The following SPAG9 variants were observed in gnomAD, a reference collection of about 807,000 sequenced individuals.
SPAG9 encodes the protein sperm associated antigen 9.
SPAG9 carries 35 observed loss-of-function variants against 166.5 expected under a neutral mutation model. The observed-to-expected ratio is 0.21, with a 90% CI of 0.16 to 0.28. The LOEUF (loss-of-function observed/expected upper bound fraction) is 0.28, where lower values mean the gene tolerates loss of function less well. Ranked by LOEUF, SPAG9 falls within the 10% of genes least tolerant of loss-of-function variation. The pLI is 1.00. For missense variants in SPAG9, 1,235 were observed against 1,603.3 expected, an observed-to-expected ratio of 0.77 and a Z score of 3.92; for synonymous variants, 534 against 565.5, an observed-to-expected ratio of 0.94 and a Z score of 0.79.
At chr17:51,097,104 C>A (rs1430057816) in intron 1 of SPAG9, among the ~76,000 whole-genome samples, 1 of 152,210 alleles carries the variant, frequency 6.6e-6, no homozygotes, top group Non-Finnish European at 1.5e-5. Flanking sequence ...GTGACGCCTC[C>A]ATAAAAACTC....
chr17:51,054,939 T>C (rs1283813419), intron 3 of SPAG9, among the ~76,000 whole-genome samples: 1 of 152,094 alleles, frequency 6.6e-6, no homozygotes, highest in Non-Finnish European at 1.5e-5. Flanking sequence ...CAGGGAAAAA[T>C]TCTACACCCT....
Position 50,964,711 on chromosome 17 carries a change from T to TAA in SPAG9, c.*1559_*1560dup, listed in dbSNP as rs1466069642. 6.7e-6 allele frequency: 3 copies of TAA among 450,458 alleles called. No homozygotes were observed. Among genetic ancestry groups the TAA allele is most frequent in the African/African-American group, 6.0e-5 (3 of 49,614 alleles). The allele number at this position is 450,458 out of a possible 1,614,324, so 27.9% of individuals were successfully genotyped here. A position where few individuals can be genotyped will look rare whatever the true frequency, so the allele number is the denominator to read the frequency against. On this transcript the variant is annotated 3_prime_UTR_variant, in exon 30 of 30. Coordinates refer to ENST00000262013, the MANE Select transcript of SPAG9 (RefSeq NM_001130528.3). ...AGCATCGTGGTTTTAAAAAACTTAT[T>TAA]AAGCAAGAAAATCAGTGAAATCCAG... is the stretch of plus-strand genomic sequence containing the variant.
At chr17:50,977,344 G>C in intron 26 of SPAG9, 123 bp from the exon 27 acceptor site, 1 of 664,480 alleles carries the variant, frequency 1.5e-6, no homozygotes, top group Non-Finnish European at 2.7e-6. Context: ...GTAGTAGCAG[G>C]ATTGATACAA....
chr17:50,979,380 G>GAAAAAAAAAA (rs76167072), intron 26 of SPAG9, among the ~76,000 whole-genome samples: 1 of 76,084 alleles, frequency 1.3e-5, no homozygotes. Flanking sequence ...TTGAAAAAAA[G>GAAAAAAAAAA]AAAAAAAAAA....
chr17:51,095,976 TATATA>T (rs1308661860), intron 1 of SPAG9, among the ~76,000 whole-genome samples: 1 of 58,394 alleles, frequency 1.7e-5, no homozygotes, highest in Non-Finnish European at 2.8e-5. Flanking sequence ...TATATAGTGA[TATATA>T]TATATATAGT....
chr17:51,073,290 T>G (rs2144603971), intron 2 of SPAG9, among the ~76,000 whole-genome samples: 1 of 151,932 alleles, frequency 6.6e-6, no homozygotes, highest in East Asian at 1.9e-4. Flanking sequence ...ATCACGCCAC[T>G]GCACTCCAGC....
chr17:51,081,534 A>C (rs1021377180), intron 1 of SPAG9, among the ~76,000 whole-genome samples: 5 of 152,070 alleles, frequency 3.3e-5, no homozygotes, highest in African/African-American at 4.8e-5. Context: ...ACCTGAGGTC[A>C]GGAGTTCGAG....
chr17:50,991,437 AAAAT>A (rs1975539464), intron 19 of SPAG9, among the ~76,000 whole-genome samples: 1 of 151,942 alleles, frequency 6.6e-6, no homozygotes, highest in Non-Finnish European at 1.5e-5. Flanking sequence ...TTACAATATA[AAAAT>A]AAATCTCATT....
chr17:51,093,287 C>T (rs2048519590), intron 1 of SPAG9, among the ~76,000 whole-genome samples: 1 of 151,518 alleles, frequency 6.6e-6, no homozygotes, highest in Non-Finnish European at 1.5e-5. Flanking sequence ...GTTTGTCCTG[C>T]CATTAAAAAG....
chr17:51,008,247 G>C (rs2045308548), intron 9 of SPAG9, among the ~76,000 whole-genome samples: 1 of 152,086 alleles, frequency 6.6e-6, no homozygotes, highest in African/African-American at 2.4e-5. Flanking sequence ...TAAGCACGTA[G>C]AGCATCCAAT....
chr17:51,005,911 G>C (rs778008782), intron 11 of SPAG9, among the ~76,000 whole-genome samples, 174 bp downstream of exon 11: 1 of 152,242 alleles, frequency 6.6e-6, no homozygotes, highest in African/African-American at 2.4e-5. Context: ...CTAACAACTG[G>C]AGGGGCCTGC....
chr17:50,998,593 TGAG>T lies in SPAG9; in HGVS notation c.1686_1688del (p.Ser564del), dbSNP rs752926211. On this transcript the variant is annotated inframe_deletion, in exon 15 of 30. Coordinates refer to ENST00000262013, the MANE Select transcript of SPAG9 (RefSeq NM_001130528.3). ...GTTCAGGCTTCTTAGTCGTGTTACTTGAGGAGCTGAAAAGTCGGCTGAAACTAA... is the reference window on the plus strand; with the variant it reads ...GTTCAGGCTTCTTAGTCGTGTTACTTGAGCTGAAAAGTCGGCTGAAACTAA... The T allele has an allele frequency of 5.7e-5, 92 of 1,613,978 alleles. No individual in the cohort carries two copies. In the Admixed American group the frequency reaches 1.5e-3, roughly 26 times the overall value.
In SPAG9 at chr17:50,964,812, G is replaced by A. The variant is rs1973277587; in HGVS notation, c.*1460C>T. On this transcript the variant is annotated 3_prime_UTR_variant, in exon 30 of 30. Transcript: ENST00000262013. ...CCGTCACCCAGGCTGGAGTGCAGTG[G>A]TGCTATCAAGGCTCACTGCAACCTC... 4.9e-6 allele frequency: 2 copies of A among 409,920 alleles called. No individual in the cohort carries two copies. The highest frequency in any genetic ancestry group is 5.3e-5 in the Admixed American group (2 of 37,640). The allele number at this position is 409,920 out of a possible 1,614,324, so 25.4% of individuals were successfully genotyped here.
intron 1 of SPAG9, among the ~76,000 whole-genome samples, chr17:51,089,647 T>C (rs1372677535): frequency 2.1e-5 from 2 of 96,962 alleles, no homozygotes; most frequent in African/African-American, 8.5e-5. Context: ...TATATATATA[T>C]ATATATATAT....
At position 50,974,804 on chromosome 17, in the gene SPAG9, G is replaced by A. The variant is rs776538072; in HGVS notation, c.3667C>T (p.Arg1223Trp). Residue 1223 changes from arginine to tryptophan, a missense_variant, in exon 28 of 30, where the codon CGG (arginine) becomes TGG (tryptophan). Around this residue, in one of 6 missense-constraint regions of SPAG9, gnomAD observed 243 missense variants for 358.6 expected, o/e 0.68. Coordinates refer to ENST00000262013, the MANE Select transcript of SPAG9 (RefSeq NM_001130528.3). Reference sequence around the variant, plus strand: ...GCCACAAAGAATTTCACAGCATCCCGGTGCCCATGGAAGCAAAGCTGTGCA... The same window carrying A: ...GCCACAAAGAATTTCACAGCATCCCAGTGCCCATGGAAGCAAAGCTGTGCA... ...AHAQLCFHGH[R>W]DAVKFFVAVP... 5.6e-6 allele frequency: 9 copies of A among 1,604,122 alleles called. No individual in the cohort carries two copies. Among genetic ancestry groups the A allele is most frequent in the Admixed American group, 3.5e-5 (2 of 56,510 alleles).
In SPAG9 at chr17:51,089,661, T is replaced by TATATATATATAC. The variant is rs1426675943; in HGVS notation, c.304-9958_304-9957insGTATATATATAT. Reference sequence around the variant, plus strand: ...ATATATATATATATATATATATATATATACACATACACACACACACTTTCT... The same window carrying TATATATATATAC: ...ATATATATATATATATATATATATATATATATATATACATACACATACACACACACACTTTCT... On this transcript the variant is annotated intron_variant, in intron 1 of 29. Coordinates refer to ENST00000262013, the MANE Select transcript of SPAG9 (RefSeq NM_001130528.3). Among the ~76,000 whole-genome samples, 56 of 97,820 alleles carry TATATATATATAC rather than the reference T, an allele frequency of 5.7e-4. 1 individual carries two copies. The highest frequency in any genetic ancestry group is 5.3e-3 in the East Asian group (15 of 2,806). 64.2% of individuals were successfully genotyped at this position (97,820 alleles called of 152,430 possible). A position where few individuals can be genotyped will look rare whatever the true frequency, so the allele number is the denominator to read the frequency against.
Position 50,977,132 on chromosome 17 carries a change from T to C in SPAG9, c.3499A>G (p.Ile1167Val). 6.2e-7 allele frequency: 1 copy of C among 1,610,868 alleles called. No individual in the cohort carries two copies. The highest frequency in any genetic ancestry group is 8.5e-7 in the Non-Finnish European group (1 of 1,177,170). The change falls in exon 27 of 30, where the codon ATT (isoleucine) becomes GTT (valine). Residue 1167 changes from isoleucine to valine, a missense_variant. Transcript: ENST00000262013. ...RLWVGTGNGV[I>V]ISIPLTETNK... ...CTTTCTGTCAATGGGATGGAGATAA[T>C]GACACCATTTCCTGTCCCCACCCAC...
At position 50,966,301 on chromosome 17, in the gene SPAG9, C is replaced by T; in HGVS notation, c.3937G>A (p.Val1313Met). 6.2e-7 allele frequency: 1 copy of T among 1,612,854 alleles called. No individual in the cohort carries two copies. Among genetic ancestry groups the T allele is most frequent in the Non-Finnish European group, 8.5e-7 (1 of 1,178,842 alleles). Residue 1313 changes from valine (V) to methionine (M), a missense_variant, in exon 30 of 30, where the codon GTG (valine) becomes ATG (methionine). Transcript: ENST00000262013. ...TCATTGCCATACATCACTTGCCACACTATCAAGTGACTCCTTTCTGCTTTG... is the reference window on the plus strand; with the variant it reads ...TCATTGCCATACATCACTTGCCACATTATCAAGTGACTCCTTTCTGCTTTG... The part of the protein sequence containing the change: ...VTKAERSHLI[V>M]WQVMYGNE
At chr17:51,049,870 T>C (rs1449591271) in intron 3 of SPAG9, among the ~76,000 whole-genome samples, 1 of 152,166 alleles carries the variant, frequency 6.6e-6, no homozygotes, top group Non-Finnish European at 1.5e-5. Context: ...AGTGTTGGGA[T>C]TACAGGTGTG....
Sources: allele counts gnomAD v4.1 joint callset (sites outside exome capture counted in the v4.1 genomes callset), GRCh38; gene constraint gnomAD v4.1.1; regional missense constraint gnomAD v4.1.1; transcripts MANE v1.5; gene names NCBI Gene and HGNC (gene_info 2026-07-23, HGNC 2026-07-21).